RYR3: variants seen among roughly 807,000 people sequenced by gnomAD.
RYR3 encodes ryanodine receptor 3, also known as brain ryanodine receptor-calcium release channel.
In RYR3, 207 loss-of-function variants were observed where a neutral mutation model predicts 584.3. The ratio of observed to expected loss-of-function variants is 0.35; its 90% CI spans 0.32 to 0.40. The LOEUF is 0.40. RYR3 is among the 10% of genes least tolerant of loss of function. The pLI is 1.00. For missense variants in RYR3, 5,616 were observed against 6,089.2 expected (o/e 0.92, Z 2.59); for synonymous variants, 2,416 against 2,248.5 (o/e 1.07, Z -2.11).
chr15:33,420,339 C>T (rs1427781316), intron 1 of RYR3, among the ~76,000 whole-genome samples: 2 of 152,100 alleles, frequency 1.3e-5, no homozygotes, highest in Admixed American at 6.5e-5. Flanking sequence ...TAGCAGGTGA[C>T]GATGGGGTCT....
chr15:33,414,090 G>A (rs1055190907), intron 1 of RYR3, among the ~76,000 whole-genome samples: 6 of 152,060 alleles, frequency 3.9e-5, no homozygotes, highest in Admixed American at 6.5e-5. Context: ...TTATATATTC[G>A]TACCTTCAGG....
At chr15:33,320,280 T>A (rs1261655851) in intron 1 of RYR3, among the ~76,000 whole-genome samples, 1 of 152,180 alleles carries the variant, frequency 6.6e-6, no homozygotes, top group African/African-American at 2.4e-5. Context: ...GCAGACAGAT[T>A]AATGGGCTTA....
In RYR3 at chr15:33,755,076, A is replaced by C; in HGVS notation, c.8411A>C (p.Asp2804Ala). The C allele has an allele frequency of 6.2e-7, 1 of 1,607,724 alleles. No homozygotes were observed. Among genetic ancestry groups the C allele is most frequent in the South Asian group, 1.1e-5 (1 of 90,456 alleles). ...CATGTCCAACGTAGGGGTATGAAGG[A>C]TATGGAGCTGGATGCCTCCTCCATG... Reference protein sequence around the residue: ...NGIIVSRGMKDMELDASSMEK... With the variant: ...NGIIVSRGMKAMELDASSMEK... Residue 2804 changes from aspartate (D) to alanine (A), a missense_variant, in exon 58 of 104, where the codon GAT (aspartate) becomes GCT (alanine). Physicochemically the swap from Asp to Ala is moderately radical, Grantham distance 126 (BLOSUM62 -2). This residue lies in a region of RYR3 where 1,280 missense variants were observed against 1,426.2 expected (regional missense o/e 0.90). Transcript: ENST00000634891.
intron 1 of RYR3, among the ~76,000 whole-genome samples, chr15:33,449,654 C>T (rs2046948714): frequency 6.6e-6 from 1 of 152,258 alleles, no homozygotes; most frequent in South Asian, 2.1e-4. Flanking sequence ...ATAAAAATAA[C>T]ACAAATGCCA....
intron 1 of RYR3, among the ~76,000 whole-genome samples, chr15:33,358,190 G>T (rs142108387): frequency 6.6e-6 from 1 of 152,292 alleles, no homozygotes; most frequent in East Asian, 1.9e-4. Flanking sequence ...GGTAAAGTGA[G>T]GATAATAATG....
intron 3 of RYR3, among the ~76,000 whole-genome samples, chr15:33,522,551 T>G (rs75536998): frequency 2.0e-5 from 3 of 152,212 alleles, no homozygotes. Flanking sequence ...CGATACCTTA[T>G]GCTGTATAGT....
At position 33,363,443 on chromosome 15, in the gene RYR3, G is replaced by A. The variant is rs539695534; in HGVS notation, c.51+52347G>A. Among the ~76,000 whole-genome samples the A allele has an allele frequency of 3.3e-5, 5 of 152,294 alleles. No individual in the cohort carries two copies. In the East Asian group the frequency reaches 9.6e-4, roughly 29 times the overall value. Reference sequence around the variant, plus strand: ...TCATGCTCAGTTTTGGGACACAGAGGATCCTTTGGCCAGCAGATTCTAACT... The same window carrying A: ...TCATGCTCAGTTTTGGGACACAGAGAATCCTTTGGCCAGCAGATTCTAACT... On this transcript the variant is annotated intron_variant, in intron 1 of 103. Coordinates refer to ENST00000634891, the MANE Select transcript of RYR3 (RefSeq NM_001036.6).
intron 60 of RYR3, among the ~76,000 whole-genome samples, chr15:33,767,612 C>T (rs145916016): frequency 6.6e-6 from 1 of 152,324 alleles, no homozygotes; most frequent in South Asian, 2.1e-4. Flanking sequence ...CTATGGAAGA[C>T]TTCTGCCCTG....
chr15:33,409,626 C>A lies in RYR3; in HGVS notation c.52-63793C>A, dbSNP rs538630206. Among the ~76,000 whole-genome samples, 3 of 152,294 alleles carry A rather than the reference C, an allele frequency of 2.0e-5. No individual in the cohort carries two copies. The South Asian group carries it at 6.2e-4, about 32-fold the overall frequency. ...TCTTGAAAAACCATTGTTCCATATCCAGTATTTTGTCGTTTTAAAATTTTC... is the reference window on the plus strand; with the variant it reads ...TCTTGAAAAACCATTGTTCCATATCAAGTATTTTGTCGTTTTAAAATTTTC... On this transcript the variant is annotated intron_variant, in intron 1 of 103. Transcript: ENST00000634891.
chr15:33,406,713 C>T (rs2043045046), intron 1 of RYR3, among the ~76,000 whole-genome samples: 1 of 152,156 alleles, frequency 6.6e-6, no homozygotes, highest in Non-Finnish European at 1.5e-5. Context: ...AACCGTCAGA[C>T]AAGGGCTTGT....
chr15:33,362,069 A>T (rs912054159), intron 1 of RYR3, among the ~76,000 whole-genome samples: 1 of 152,196 alleles, frequency 6.6e-6, no homozygotes, highest in Admixed American at 6.5e-5. Flanking sequence ...CCTGATCTTC[A>T]TGGAATCCCA....
intron 39 of RYR3, among the ~76,000 whole-genome samples, 152 bp from the exon 40 acceptor site, chr15:33,697,730 T>A (rs1596211300): frequency 6.6e-6 from 1 of 152,236 alleles, no homozygotes; most frequent in African/African-American, 2.4e-5. Context: ...CCTCCACATA[T>A]ATTCCAGCTG....
chr15:33,462,453 A>G lies in RYR3; in HGVS notation c.52-10966A>G, dbSNP rs535920614. Reference sequence around the variant, plus strand: ...ATCTCAATAAATTAGTTATTTCCCAAAAACAAAAGTGGATGTGCTGTGGCC... The same window carrying G: ...ATCTCAATAAATTAGTTATTTCCCAGAAACAAAAGTGGATGTGCTGTGGCC... On this transcript the variant is annotated intron_variant, in intron 1 of 103. Coordinates refer to ENST00000634891, the MANE Select transcript of RYR3 (RefSeq NM_001036.6). 4.6e-5 allele frequency among the ~76,000 whole-genome samples: 7 copies of G among 152,292 alleles called. No homozygotes were observed. The East Asian group carries it at 1.4e-3, about 29-fold the overall frequency.
chr15:33,711,169 A>C (rs998136923), intron 43 of RYR3, among the ~76,000 whole-genome samples: 25 of 151,672 alleles, frequency 1.6e-4, no homozygotes, highest in African/African-American at 5.8e-4. Context: ...TCCAACTTTA[A>C]GTCATTTATT....
At chr15:33,531,340 T>C (rs575195010) in intron 4 of RYR3, among the ~76,000 whole-genome samples, 1 of 152,056 alleles carries the variant, frequency 6.6e-6, no homozygotes, top group South Asian at 2.1e-4. Flanking sequence ...TAAAAAAATA[T>C]AATTTTACAA....
intron 74 of RYR3, among the ~76,000 whole-genome samples, chr15:33,814,996 G>C (rs575460858): frequency 1.8e-4 from 27 of 151,540 alleles, no homozygotes; most frequent in African/African-American, 4.8e-4. Flanking sequence ...CTTGAACCTG[G>C]GAGGCGGAGG....
intron 86 of RYR3, among the ~76,000 whole-genome samples, chr15:33,832,177 C>T (rs945223605): frequency 1.3e-5 from 2 of 151,884 alleles, no homozygotes; most frequent in Non-Finnish European, 2.9e-5. Flanking sequence ...GCGTGTAGTA[C>T]CCGCTACTCG....
intron 1 of RYR3, among the ~76,000 whole-genome samples, chr15:33,425,246 T>C (rs2044521636): frequency 6.6e-6 from 1 of 152,248 alleles, no homozygotes. Flanking sequence ...TTTCTGTTAA[T>C]GAGGCTTTTC....
At chr15:33,627,457 G>A (rs2061051171) in intron 20 of RYR3, among the ~76,000 whole-genome samples, 1 of 152,136 alleles carries the variant, frequency 6.6e-6, no homozygotes, top group Admixed American at 6.6e-5. Context: ...AAACGTTGAA[G>A]GTATTTGCCA....
Sources: allele counts gnomAD v4.1 joint callset (sites outside exome capture counted in the v4.1 genomes callset), GRCh38; gene constraint gnomAD v4.1.1; regional missense constraint gnomAD v4.1.1; transcripts MANE v1.5; gene names NCBI Gene and HGNC (gene_info 2026-07-23, HGNC 2026-07-21).